The following SCLT1 variants were observed in gnomAD, a reference collection of about 807,000 sequenced individuals.
The protein encoded by SCLT1 is sodium channel and clathrin linker 1.
A neutral mutation model predicts 112.8 loss-of-function variants in SCLT1; 78 were observed. The ratio of observed to expected loss-of-function variants is 0.69; its 90% CI spans 0.58 to 0.83. SCLT1 has a LOEUF of 0.83. SCLT1 is among the 40% of genes least tolerant of loss of function. The probability of loss-of-function intolerance (pLI) is 0.00; values close to 1 mark genes in which losing one functional copy is unlikely to be tolerated. For synonymous variants in SCLT1, 257 were observed against 254.7 expected, an observed-to-expected ratio of 1.01 and a Z score of -0.09; for missense variants, 747 against 770.4, an observed-to-expected ratio of 0.97 and a Z score of 0.36.
chr4:129,019,198 T>C (rs1745238571), intron 5 of SCLT1, among the ~76,000 whole-genome samples: 1 of 152,036 alleles, frequency 6.6e-6, no homozygotes, highest in Non-Finnish European at 1.5e-5. Flanking sequence ...ACCAAGAAAA[T>C]TACCCAGGCA....
chr4:129,074,417 G>A (rs543388370), intron 2 of SCLT1, among the ~76,000 whole-genome samples: 1 of 152,164 alleles, frequency 6.6e-6, no homozygotes, highest in East Asian at 1.9e-4. Context: ...TTTCAAAACA[G>A]AGATAGAAAA....
intron 18 of SCLT1, among the ~76,000 whole-genome samples, chr4:128,894,242 G>A (rs1733554110): frequency 6.6e-6 from 1 of 151,910 alleles, no homozygotes. Flanking sequence ...GCATCTGGCT[G>A]CTTGTCAGTT....
At chr4:128,889,763 C>G (rs1490527023) in intron 19 of SCLT1, among the ~76,000 whole-genome samples, 1 of 152,128 alleles carries the variant, frequency 6.6e-6, no homozygotes, top group African/African-American at 2.4e-5. Flanking sequence ...TATTTTTGTA[C>G]AACTAGAATT....
At chr4:129,082,708 C>T (rs1446996) in intron 1 of SCLT1, among the ~76,000 whole-genome samples, 13,432 of 152,198 alleles carry the variant, frequency 0.088, 763 homozygotes, top group South Asian at 0.15. Context: ...ATTACTACTA[C>T]TAAAATTGAG....
chr4:128,986,622 T>G (rs533139177), intron 9 of SCLT1, among the ~76,000 whole-genome samples: 6 of 152,176 alleles, frequency 3.9e-5, no homozygotes, highest in Non-Finnish European at 7.4e-5. Flanking sequence ...GAGGACGAGC[T>G]CAGCCACAGT....
chr4:128,963,865 A>G lies in SCLT1; in HGVS notation c.869+1362T>C, dbSNP rs551481454. ...GCATATATTTATTGTCACTTTTATTATAGTCATTGTGTCAAATGAAAAGAT... is the reference window on the plus strand; with the variant it reads ...GCATATATTTATTGTCACTTTTATTGTAGTCATTGTGTCAAATGAAAAGAT... On this transcript the variant is annotated intron_variant, in intron 11 of 20. Coordinates refer to ENST00000281142, the MANE Select transcript of SCLT1 (RefSeq NM_144643.4). Among the ~76,000 whole-genome samples, 4 of 152,306 alleles carry G rather than the reference A, an allele frequency of 2.6e-5. No homozygotes were observed. The South Asian group carries it at 8.3e-4, about 32-fold the overall frequency.
chr4:129,027,386 G>C (rs1178831581), intron 5 of SCLT1, among the ~76,000 whole-genome samples: 1 of 152,142 alleles, frequency 6.6e-6, no homozygotes, highest in Non-Finnish European at 1.5e-5. Context: ...GGGATGCAAA[G>C]CTGGTTAAAT....
chr4:128,915,943 A>AT (rs1735440074), intron 18 of SCLT1, among the ~76,000 whole-genome samples: 1 of 152,266 alleles, frequency 6.6e-6, no homozygotes, highest in South Asian at 2.1e-4. Flanking sequence ...ATGGGACAGA[A>AT]TAAGTTCTTA....
At chr4:128,960,794 C>T (rs1392546823) in intron 11 of SCLT1, among the ~76,000 whole-genome samples, 3 of 150,704 alleles carry the variant, frequency 2.0e-5, no homozygotes, top group Non-Finnish European at 4.4e-5. Context: ...GTGGCGGGCG[C>T]CTGTAGTCCC....
intron 10 of SCLT1, 50 bp downstream of exon 10, chr4:128,970,328 G>A (rs1740581767): frequency 1.0e-6 from 1 of 1,004,628 alleles, no homozygotes; most frequent in African/African-American, 1.6e-5. Context: ...CAACAAAATA[G>A]AAAGAAAACT....
chr4:128,969,427 C>G (rs2126031091), intron 10 of SCLT1, among the ~76,000 whole-genome samples: 1 of 152,098 alleles, frequency 6.6e-6, no homozygotes, highest in Non-Finnish European at 1.5e-5. Context: ...AAAAAATTAG[C>G]CAGGCGTGGC....
chr4:129,065,693 A>G (rs1364296814), intron 2 of SCLT1, among the ~76,000 whole-genome samples: 1 of 152,124 alleles, frequency 6.6e-6, no homozygotes, highest in African/African-American at 2.4e-5. Flanking sequence ...ATTTATTTAT[A>G]TAATGTAATT....
At chr4:128,945,547 T>C (rs1044348569) in intron 16 of SCLT1, among the ~76,000 whole-genome samples, 2 of 152,118 alleles carry the variant, frequency 1.3e-5, no homozygotes, top group African/African-American at 4.8e-5. Flanking sequence ...AAAATTTTGC[T>C]ATATTAGGTA....
chr4:129,020,813 T>C (rs1180312324), intron 5 of SCLT1, among the ~76,000 whole-genome samples: 1 of 152,248 alleles, frequency 6.6e-6, no homozygotes, highest in Non-Finnish European at 1.5e-5. Context: ...CATGAAATCA[T>C]TCCTTCAATA....
chr4:129,048,051 C>G (rs1421410668), intron 2 of SCLT1, among the ~76,000 whole-genome samples: 14 of 152,042 alleles, frequency 9.2e-5, no homozygotes, highest in Non-Finnish European at 2.1e-4. Context: ...CTCCATAAAA[C>G]CTTTACCCAG....
In SCLT1 at chr4:129,060,094, T is replaced by A. The variant is rs185193456; in HGVS notation, c.103-16043A>T. ...CGTCTTCAAGTTCTGAGATTCTTTG[T>A]TCTGCTTGATCAAGTCTCTCCTTGA... On this transcript the variant is annotated intron_variant, in intron 2 of 20. Transcript: ENST00000281142. Among the ~76,000 whole-genome samples, 766 of 152,322 alleles carry A rather than the reference T, an allele frequency of 5.0e-3. 6 individuals carry two copies. Among genetic ancestry groups the A allele is most frequent in the African/African-American group, 0.017 (718 of 41,582 alleles).
intron 2 of SCLT1, among the ~76,000 whole-genome samples, chr4:129,068,638 CATTT>C (rs1333416338): frequency 6.6e-6 from 1 of 151,938 alleles, no homozygotes; most frequent in African/African-American, 2.4e-5. Context: ...TTTTCTTGCC[CATTT>C]GTTTGAGTTT....
intron 18 of SCLT1, among the ~76,000 whole-genome samples, chr4:128,893,974 C>G (rs192718064): frequency 6.6e-6 from 1 of 152,224 alleles, no homozygotes; most frequent in Admixed American, 6.5e-5. Context: ...GGGTCTCACT[C>G]TGTCACCCAG....
intron 9 of SCLT1, among the ~76,000 whole-genome samples, chr4:128,990,666 G>C (rs1046762678): frequency 1.3e-5 from 2 of 151,748 alleles, no homozygotes; most frequent in Non-Finnish European, 3.0e-5. Flanking sequence ...CTTGTTTGCA[G>C]ATGACATGAT....
Sources: gnomAD v4.1 joint callset for allele counts (sites outside exome capture counted in the v4.1 genomes callset) on GRCh38, gnomAD v4.1.1 for gene constraint, MANE v1.5 for transcripts, NCBI Gene and HGNC (gene_info 2026-07-23, HGNC 2026-07-21) for gene names.